The following DCDC2 variants were observed in gnomAD, a reference collection of about 807,000 sequenced individuals.
DCDC2 encodes doublecortin domain containing 2.
Under a neutral mutation model 50.2 loss-of-function variants are expected in DCDC2, and 40 were observed. That is an observed-to-expected ratio of 0.80 (90% confidence interval 0.62 to 1.04). DCDC2 has a LOEUF of 1.04. DCDC2 is among the 50% of genes least tolerant of loss of function. DCDC2 has a pLI of 0.00. For missense variants in DCDC2, 570 were observed against 581.9 expected (o/e 0.98, Z 0.21); for synonymous variants, 234 against 210.6 (o/e 1.11, Z -0.96).
chr6:24,238,452 C>T (rs751346272), intron 7 of DCDC2, among the ~76,000 whole-genome samples: 2 of 151,458 alleles, frequency 1.3e-5, no homozygotes, highest in African/African-American at 2.4e-5. Flanking sequence ...GTATGCACCA[C>T]CATGCCCAGC....
intron 7 of DCDC2, among the ~76,000 whole-genome samples, chr6:24,268,254 A>C (rs1488406642): frequency 6.6e-6 from 1 of 152,194 alleles, no homozygotes; most frequent in African/African-American, 2.4e-5. Context: ...TGGGAGGCTG[A>C]GGCAGATGGA....
intron 7 of DCDC2, among the ~76,000 whole-genome samples, chr6:24,252,473 A>T (rs550575625): frequency 6.6e-6 from 1 of 152,314 alleles, no homozygotes; most frequent in Non-Finnish European, 1.5e-5. Flanking sequence ...AACAAAAGGG[A>T]AAAAGGGCGA....
At chr6:24,227,960 TG>T in intron 7 of DCDC2, among the ~76,000 whole-genome samples, 1 of 152,216 alleles carries the variant, frequency 6.6e-6, no homozygotes, top group South Asian at 2.1e-4. Context: ...TTCTCCTACT[TG>T]CTGGTTCTAT....
At chr6:24,226,760 T>C (rs1263974301) in intron 7 of DCDC2, among the ~76,000 whole-genome samples, 1 of 152,156 alleles carries the variant, frequency 6.6e-6, no homozygotes, top group African/African-American at 2.4e-5. Context: ...GACCGAACAG[T>C]ATCCTGTGGG....
chr6:24,331,721 T>C (rs1214351149), intron 2 of DCDC2, among the ~76,000 whole-genome samples: 1 of 152,160 alleles, frequency 6.6e-6, no homozygotes, highest in Non-Finnish European at 1.5e-5. Flanking sequence ...CAGACTAAAT[T>C]GTACATGTAA....
chr6:24,332,786 T>A (rs902072572), intron 2 of DCDC2, among the ~76,000 whole-genome samples: 1 of 152,176 alleles, frequency 6.6e-6, no homozygotes, highest in Admixed American at 6.5e-5. Context: ...TGATTACTAT[T>A]CATTAAATAC....
chr6:24,378,274 C>T, the DCDC2 span, among the ~76,000 whole-genome samples: 1 of 152,148 alleles, frequency 6.6e-6, no homozygotes, highest in East Asian at 1.9e-4. Flanking sequence ...GTGTGTTTCC[C>T]CTCCCGCTTC....
At chr6:24,207,409 C>T (rs1761744558) in intron 7 of DCDC2, among the ~76,000 whole-genome samples, 1 of 151,818 alleles carries the variant, frequency 6.6e-6, no homozygotes, top group Non-Finnish European at 1.5e-5. Flanking sequence ...CTAAATGTTA[C>T]TTGAAAACAT....
At chr6:24,373,637 G>C in the DCDC2 span, among the ~76,000 whole-genome samples, 16 of 152,316 alleles carry the variant, frequency 1.1e-4, no homozygotes, top group Admixed American at 5.2e-4. Context: ...GGGAATAAAG[G>C]GGGTGGGACC....
At chr6:24,246,122 G>A (rs1009667981) in intron 7 of DCDC2, among the ~76,000 whole-genome samples, 10 of 151,894 alleles carry the variant, frequency 6.6e-5, no homozygotes, top group East Asian at 3.9e-4. Context: ...CACCGCGCCC[G>A]GCCTGGAGGA....
chr6:24,225,442 T>G (rs998256215), intron 7 of DCDC2, among the ~76,000 whole-genome samples: 1 of 151,906 alleles, frequency 6.6e-6, no homozygotes, highest in African/African-American at 2.4e-5. Context: ...TGTGCATATC[T>G]GCATATACAT....
intron 8 of DCDC2, among the ~76,000 whole-genome samples, chr6:24,183,758 C>T (rs577315395): frequency 4.6e-5 from 7 of 152,164 alleles, no homozygotes; most frequent in East Asian, 1.9e-4. Flanking sequence ...CCACTGTCTC[C>T]GAGATCAAAG....
chr6:24,267,584 T>C (rs1393987568), intron 7 of DCDC2, among the ~76,000 whole-genome samples: 4 of 152,230 alleles, frequency 2.6e-5, no homozygotes, highest in African/African-American at 9.6e-5. Flanking sequence ...CAGAAATTAC[T>C]GGAGGATATG....
the DCDC2 span, among the ~76,000 whole-genome samples, chr6:24,379,418 C>A: frequency 5.3e-5 from 8 of 152,312 alleles, no homozygotes; most frequent in East Asian, 1.2e-3. Flanking sequence ...GACATTTATA[C>A]AGCCAACAGA....
At chr6:24,218,351 A>G (rs1762024483) in intron 7 of DCDC2, among the ~76,000 whole-genome samples, 1 of 152,352 alleles carries the variant, frequency 6.6e-6, no homozygotes, top group African/African-American at 2.4e-5. Context: ...GGTTGCTCCA[A>G]CAACAGATAT....
chr6:24,379,734 T>C, the DCDC2 span, among the ~76,000 whole-genome samples: 1 of 152,152 alleles, frequency 6.6e-6, no homozygotes, highest in African/African-American at 2.4e-5. Context: ...TAAAGACACA[T>C]GTACACGAAT....
chr6:24,189,912 T>TA (rs1322878521), intron 8 of DCDC2, among the ~76,000 whole-genome samples: 2 of 152,116 alleles, frequency 1.3e-5, no homozygotes, highest in African/African-American at 2.4e-5. Context: ...ATGTTGAAAA[T>TA]ACAGAAGTTA....
At chr6:24,374,727 T>C in the DCDC2 span, among the ~76,000 whole-genome samples, 1 of 151,616 alleles carries the variant, frequency 6.6e-6, no homozygotes, top group Non-Finnish European at 1.5e-5. Context: ...AAAGACAATA[T>C]GGAGGGATAA....
intron 7 of DCDC2, among the ~76,000 whole-genome samples, chr6:24,274,943 A>T (rs1254924873): frequency 6.6e-6 from 1 of 152,146 alleles, no homozygotes; most frequent in Non-Finnish European, 1.5e-5. Context: ...TATCACTTTG[A>T]AATAAAACTA....
Sources: allele counts gnomAD v4.1 joint callset (sites outside exome capture counted in the v4.1 genomes callset), GRCh38; gene constraint gnomAD v4.1.1; transcripts MANE v1.5; gene names NCBI Gene and HGNC (gene_info 2026-07-23, HGNC 2026-07-21).